ADAM10: variants seen among roughly 807,000 people sequenced by gnomAD.
ADAM10 encodes disintegrin and metalloproteinase domain-containing protein 10.
Under a neutral mutation model 90.1 loss-of-function variants are expected in ADAM10, and 17 were observed. That is an observed-to-expected ratio of 0.19 (90% confidence interval 0.13 to 0.28). ADAM10 has a LOEUF of 0.28. Among genes scored for constraint, ADAM10 ranks in the 10% least tolerant of loss-of-function variants. The pLI is 1.00. For missense variants in ADAM10, 610 were observed against 914.3 expected, an observed-to-expected ratio of 0.67 and a Z score of 4.29; for synonymous variants, 310 against 298.6, an observed-to-expected ratio of 1.04 and a Z score of -0.40.
At chr15:58,608,347 C>T (rs958253945) in intron 14 of ADAM10, among the ~76,000 whole-genome samples, 1 of 152,192 alleles carries the variant, frequency 6.6e-6, no homozygotes, top group Admixed American at 6.5e-5. Flanking sequence ...ATCTGTATTA[C>T]TAACTGGAAG....
intron 4 of ADAM10, chr15:58,672,697 C>T (rs1660730341): frequency 6.9e-6 from 1 of 144,800 alleles, no homozygotes; most frequent in South Asian, 2.2e-4. Context: ...GTGCATATGA[C>T]AAGCAGCCTT....
intron 1 of ADAM10, among the ~76,000 whole-genome samples, chr15:58,736,938 C>T (rs554963566): frequency 5.9e-5 from 9 of 151,890 alleles, no homozygotes; most frequent in Non-Finnish European, 1.3e-4. Flanking sequence ...AACACAGTAA[C>T]ACCCCATCTC....
At chr15:58,651,930 TA>T (rs1353155116) in intron 5 of ADAM10, among the ~76,000 whole-genome samples, 8 of 152,228 alleles carry the variant, frequency 5.3e-5, no homozygotes, top group African/African-American at 1.9e-4. Context: ...GTCTTTTGGA[TA>T]AAAGCCATTT....
chr15:58,630,682 T>G (rs987474838), intron 9 of ADAM10, among the ~76,000 whole-genome samples: 1 of 152,064 alleles, frequency 6.6e-6, no homozygotes, highest in Admixed American at 6.6e-5. Context: ...ATAAATACAT[T>G]TAAGAAATAA....
At chr15:58,649,866 C>T (rs1196151053) in intron 5 of ADAM10, among the ~76,000 whole-genome samples, 2 of 152,160 alleles carry the variant, frequency 1.3e-5, no homozygotes, top group South Asian at 2.1e-4. Flanking sequence ...ATTACCTGTC[C>T]TTGACTCTCC....
intron 3 of ADAM10, among the ~76,000 whole-genome samples, chr15:58,681,525 T>C (rs1267252490): frequency 2.0e-5 from 3 of 152,220 alleles, no homozygotes; most frequent in Non-Finnish European, 2.9e-5. Flanking sequence ...TCTTGAGTAC[T>C]TACTAATGTA....
chr15:58,676,397 T>TA, intron 4 of ADAM10: 2 of 402,984 alleles, frequency 5.0e-6, no homozygotes, highest in South Asian at 3.6e-5. Context: ...AGGTATATAT[T>TA]AAGCCATAAT....
chr15:58,605,670 T>C lies in ADAM10; in HGVS notation c.2025+4627A>G, dbSNP rs970278825. ...TGAGCGTAAACTGAGTGCCAGGGTC[T>C]TATATCCCAGAGACAAGGGTGTTAA... On this transcript the variant is annotated intron_variant, in intron 14 of 15. Transcript: ENST00000260408. 9.2e-5 allele frequency among the ~76,000 whole-genome samples: 14 copies of C among 152,170 alleles called. 1 individual carries two copies.
rs962641994 is a variant in ADAM10 at position 58,594,140 on chromosome 15, G to A, written c.*3407C>T. 8 of 152,266 alleles carry A rather than the reference G, an allele frequency of 5.3e-5. No individual in the cohort carries two copies. The highest frequency in any genetic ancestry group is 3.9e-4 in the Admixed American group (6 of 15,288). The allele number at this position is 152,266 out of a possible 1,614,324, so 9.4% of individuals were successfully genotyped here. On this transcript the variant is annotated 3_prime_UTR_variant, in exon 16 of 16. Transcript: ENST00000260408. ...ACTTCTCTAAAGATGAACTGTCCCT[G>A]GCAGCTGCTTTAAAACTACATCTGG...
At chr15:58,604,605 C>T (rs1310083436) in intron 14 of ADAM10, among the ~76,000 whole-genome samples, 2 of 152,120 alleles carry the variant, frequency 1.3e-5, no homozygotes, top group Non-Finnish European at 2.9e-5. Context: ...AAATATTGAC[C>T]TTGAAACATA....
intron 1 of ADAM10, among the ~76,000 whole-genome samples, chr15:58,722,901 T>G (rs1898904397): frequency 6.6e-6 from 1 of 151,842 alleles, no homozygotes; most frequent in Non-Finnish European, 1.5e-5. Flanking sequence ...CTGGCTAACT[T>G]TTGTATTTCT....
intron 4 of ADAM10, among the ~76,000 whole-genome samples, chr15:58,674,905 T>G (rs1223944648): frequency 2.0e-5 from 3 of 152,152 alleles, no homozygotes; most frequent in African/African-American, 7.2e-5. Context: ...ATAGACAAAT[T>G]CAGGCCGGGC....
At chr15:58,616,701 A>C (rs1245921588) in intron 11 of ADAM10, among the ~76,000 whole-genome samples, 9 of 152,224 alleles carry the variant, frequency 5.9e-5, no homozygotes, top group African/African-American at 2.2e-4. Context: ...AAACAACCTA[A>C]CAATGCACCT....
Position 58,647,246 on chromosome 15 carries a change from G to GTTTTTTTTTTTT in ADAM10, c.586-1043_586-1042insAAAAAAAAAAAA, listed in dbSNP as rs1323960397. Among the ~76,000 whole-genome samples the GTTTTTTTTTTTT allele has an allele frequency of 2.1e-3, 79 of 36,816 alleles. 1 individual carries two copies. The highest frequency in any genetic ancestry group is 5.7e-3 in the Admixed American group (20 of 3,482). 24.2% of individuals were successfully genotyped at this position (36,816 alleles called of 152,430 possible). A position where few individuals can be genotyped will look rare whatever the true frequency, so the allele number is the denominator to read the frequency against. On this transcript the variant is annotated intron_variant, in intron 5 of 15. Coordinates refer to ENST00000260408, the MANE Select transcript of ADAM10 (RefSeq NM_001110.4). ...CTTGGCAGCAAAGAGTAGACACTAA[G>GTTTTTTTTTTTT]TATTTTTTTTTTTTTTTTTTTTTTT...
chr15:58,691,425 T>A, intron 2 of ADAM10: 1 of 676,532 alleles, frequency 1.5e-6, no homozygotes, highest in Non-Finnish European at 2.8e-6. Context: ...TACCTGCTCT[T>A]TGCACTCACC....
chr15:58,706,248 C>A (rs149992097), intron 2 of ADAM10, among the ~76,000 whole-genome samples: 1 of 152,286 alleles, frequency 6.6e-6, no homozygotes, highest in East Asian at 1.9e-4. Context: ...AAAATCCTTG[C>A]TTCGAGGTAC....
intron 2 of ADAM10, chr15:58,707,241 G>A (rs8023946): frequency 0.61 from 92,373 of 150,282 alleles, 29,257 homozygotes; most frequent in Middle Eastern, 0.72. Flanking sequence ...AAAATTAGCC[G>A]GGCGTGGTGG....
chr15:58,612,423 G>A (rs1895465901), intron 11 of ADAM10, among the ~76,000 whole-genome samples: 1 of 152,270 alleles, frequency 6.6e-6, no homozygotes, highest in African/African-American at 2.4e-5. Flanking sequence ...CTAGCACCCT[G>A]CTTCCCTGGA....
At chr15:58,731,243 A>G (rs2140837488) in intron 1 of ADAM10, among the ~76,000 whole-genome samples, 1 of 152,334 alleles carries the variant, frequency 6.6e-6, no homozygotes, top group East Asian at 1.9e-4. Context: ...AATTTGCTGT[A>G]CACTGAGTAC....
Sources: allele counts gnomAD v4.1 joint callset (sites outside exome capture counted in the v4.1 genomes callset), GRCh38; gene constraint gnomAD v4.1.1; transcripts MANE v1.5; gene names NCBI Gene and HGNC (gene_info 2026-07-23, HGNC 2026-07-21).